The following KRIT1 variants were observed in gnomAD, a reference collection of about 807,000 sequenced individuals.
KRIT1 encodes the protein KRIT1 ankyrin repeat containing.
KRIT1 carries 45 observed loss-of-function variants against 95.8 expected under a neutral mutation model. The ratio of observed to expected loss-of-function variants is 0.47; its 90% CI spans 0.37 to 0.60. The LOEUF is 0.60. Ranked by LOEUF, KRIT1 falls within the 20% of genes least tolerant of loss-of-function variation. The pLI, the probability that KRIT1 is intolerant of heterozygous loss-of-function variation, is 0.00. For missense variants in KRIT1, 788 were observed against 877.5 expected, an observed-to-expected ratio of 0.90 and a Z score of 1.29; for synonymous variants, 282 against 278.8, an observed-to-expected ratio of 1.01 and a Z score of -0.11.
chr7:92,234,082 T>C (rs1446578039), intron 10 of KRIT1, among the ~76,000 whole-genome samples: 5 of 152,326 alleles, frequency 3.3e-5, no homozygotes, highest in South Asian at 2.1e-4. Flanking sequence ...AGTTAACACA[T>C]GCAAACTTCC....
intron 8 of KRIT1, among the ~76,000 whole-genome samples, chr7:92,235,181 G>C (rs1235076781): frequency 6.6e-6 from 1 of 152,040 alleles, no homozygotes; most frequent in Admixed American, 6.6e-5. Context: ...TGTATTTTTA[G>C]TAGAGACGAG....
intron 14 of KRIT1, among the ~76,000 whole-genome samples, chr7:92,216,150 A>G (rs1213638225): frequency 6.7e-6 from 1 of 149,540 alleles, no homozygotes; most frequent in Non-Finnish European, 1.5e-5. Flanking sequence ...AATGGTGTGA[A>G]CCCGGGAGGC....
Position 92,217,866 on chromosome 7 carries a change from C to A in KRIT1, c.1564-3089G>T, listed in dbSNP as rs530211344. On this transcript the variant is annotated intron_variant, in intron 14 of 18. Transcript: ENST00000394505. ...CACAGTGGCTGCACCATTTTACATTCCCACCTGCAATGTACCAGGGTTCCA... is the reference window on the plus strand; with the variant it reads ...CACAGTGGCTGCACCATTTTACATTACCACCTGCAATGTACCAGGGTTCCA... Among the ~76,000 whole-genome samples, 14 of 152,246 alleles carry A rather than the reference C, an allele frequency of 9.2e-5. No individual in the cohort carries two copies. In the South Asian group the frequency reaches 1.2e-3, roughly 14 times the overall value.
chr7:92,238,763 T>C (rs1798957798), intron 5 of KRIT1, among the ~76,000 whole-genome samples: 1 of 152,222 alleles, frequency 6.6e-6, no homozygotes, highest in Non-Finnish European at 1.5e-5. Context: ...AGGGAAGCAC[T>C]GACAAGTTAG....
chr7:92,223,789 T>C (rs187636937), intron 12 of KRIT1, among the ~76,000 whole-genome samples: 276 of 152,322 alleles, frequency 1.8e-3, no homozygotes, highest in African/African-American at 6.2e-3. Flanking sequence ...GCCAGTTTCC[T>C]TCCCCCAGTT....
chr7:92,236,575 T>C (rs781159755), intron 6 of KRIT1, 33 bp from the exon 7 acceptor site: 2 of 1,388,100 alleles, frequency 1.4e-6, no homozygotes, highest in East Asian at 2.3e-5. Context: ...TATGCTACCA[T>C]ATAAAAGGTT....
At position 92,236,270 on chromosome 7, in the gene KRIT1, T is replaced by C. The variant is rs1031440460; in HGVS notation, c.485+143A>G. The stretch of plus-strand genomic sequence containing the variant: ...TATCTTCGGGTTTTTCATTTTTATA[T>C]TAGAATTGAAAAACTTACCATTTTT... On this transcript the variant is annotated intron_variant, in intron 7 of 18. Transcript: ENST00000394505. The C allele has an allele frequency of 8.1e-6, 5 of 619,026 alleles. No homozygotes were observed. In the Admixed American group the frequency reaches 1.2e-4, roughly 14 times the overall value. 38.3% of individuals were successfully genotyped at this position (619,026 alleles called of 1,614,324 possible). A position where few individuals can be genotyped will look rare whatever the true frequency, so the allele number is the denominator to read the frequency against.
intron 17 of KRIT1, among the ~76,000 whole-genome samples, chr7:92,203,816 A>T (rs1178846044): frequency 6.6e-6 from 1 of 152,126 alleles, no homozygotes; most frequent in Non-Finnish European, 1.5e-5. Context: ...GCAGAGGAAA[A>T]ATTTCTTGAA....
In KRIT1 at chr7:92,200,722, C is replaced by CA. The variant is rs1563209803; in HGVS notation, c.*13dup. 1.3e-6 allele frequency: 2 copies of CA among 1,536,502 alleles called. No homozygotes were observed. Among genetic ancestry groups the CA allele is most frequent in the South Asian group, 2.2e-5 (2 of 89,558 alleles). ...TTACAAAATGTGGTGGCTTGAGTAACAGTTACTTCTCTTTCATGAATTTCT... is the reference window on the plus strand; with the variant it reads ...TTACAAAATGTGGTGGCTTGAGTAACAAGTTACTTCTCTTTCATGAATTTCT... On this transcript the variant is annotated 3_prime_UTR_variant, in exon 19 of 19. Coordinates refer to ENST00000394505, the MANE Select transcript of KRIT1 (RefSeq NM_194454.3).
chr7:92,238,037 C>T (rs1454987638), intron 5 of KRIT1, among the ~76,000 whole-genome samples: 3 of 152,084 alleles, frequency 2.0e-5, no homozygotes, highest in Non-Finnish European at 4.4e-5. Flanking sequence ...GAAGGCAGAT[C>T]AACAATGTAC....
At chr7:92,243,773 A>G (rs1005563275) in intron 3 of KRIT1, among the ~76,000 whole-genome samples, 1 of 152,150 alleles carries the variant, frequency 6.6e-6, no homozygotes, top group Admixed American at 6.5e-5. Flanking sequence ...ATTTTAAATA[A>G]AATAATTTAA....
chr7:92,218,945 C>G (rs1563255597), intron 14 of KRIT1, among the ~76,000 whole-genome samples: 1 of 152,080 alleles, frequency 6.6e-6, no homozygotes, highest in Non-Finnish European at 1.5e-5. Flanking sequence ...CCTTTGTTTT[C>G]TTCTATGAGT....
intron 3 of KRIT1, among the ~76,000 whole-genome samples, chr7:92,243,791 T>G (rs184448118): frequency 5.4e-4 from 82 of 152,246 alleles, no homozygotes; most frequent in Middle Eastern, 3.4e-3. Flanking sequence ...TAAATACTTT[T>G]CAAATTTATT....
rs1244766380 is a variant in KRIT1, at chr7:92,236,446, G to A, written c.452C>T (p.Thr151Ile). 6.2e-7 allele frequency: 1 copy of A among 1,606,206 alleles called. No individual in the cohort carries two copies. The highest frequency in any genetic ancestry group is 1.7e-5 in the Admixed American group (1 of 59,984). Residue 151 changes from threonine to isoleucine, a missense_variant, in exon 7 of 19, where the codon ACA (threonine) becomes ATA (isoleucine). This residue lies in a region of KRIT1 where 289 missense variants were observed against 277.5 expected (regional missense o/e 1.04). Transcript: ENST00000394505. ...VCSESSTHFA[T>I]LTARMLIALD... Reference sequence around the variant, plus strand: ...GGCTATTAACATCCTTGCTGTAAGTGTAGCAAAATGAGTACTGGATTCACT... The same window carrying A: ...GGCTATTAACATCCTTGCTGTAAGTATAGCAAAATGAGTACTGGATTCACT...
At chr7:92,239,705 A>T (rs1190696481) in intron 5 of KRIT1, among the ~76,000 whole-genome samples, 2 of 150,062 alleles carry the variant, frequency 1.3e-5, no homozygotes, top group Non-Finnish European at 3.0e-5. Context: ...CATATGCAGG[A>T]ACTTTTTTTT....
intron 14 of KRIT1, among the ~76,000 whole-genome samples, chr7:92,218,110 T>C (rs73407582): frequency 0.029 from 4,396 of 152,252 alleles, 207 homozygotes; most frequent in African/African-American, 0.1. Context: ...TAGAGTACAG[T>C]GGATGATCAT....
intron 17 of KRIT1, among the ~76,000 whole-genome samples, chr7:92,202,618 T>C (rs528015531): frequency 2.6e-4 from 39 of 152,162 alleles, no homozygotes; most frequent in African/African-American, 9.4e-4. Context: ...AGAAAGATAA[T>C]GGGTTAGGGG....
At chr7:92,218,668 G>A (rs1363069430) in intron 14 of KRIT1, among the ~76,000 whole-genome samples, 6 of 152,154 alleles carry the variant, frequency 3.9e-5, no homozygotes, top group Non-Finnish European at 7.4e-5. Context: ...ATACTGCACC[G>A]AACCCTGATC....
chr7:92,235,179 T>C (rs561611356), intron 8 of KRIT1, among the ~76,000 whole-genome samples: 2 of 152,190 alleles, frequency 1.3e-5, no homozygotes, highest in South Asian at 4.2e-4. Flanking sequence ...TTTGTATTTT[T>C]AGTAGAGACG....
Sources: gnomAD v4.1 joint callset for allele counts (sites outside exome capture counted in the v4.1 genomes callset) on GRCh38, gnomAD v4.1.1 for gene constraint, gnomAD v4.1.1 regional missense constraint, MANE v1.5 for transcripts, NCBI Gene and HGNC (gene_info 2026-07-23, HGNC 2026-07-21) for gene names.